The following SBF2 variants were observed in gnomAD, a reference collection of about 807,000 sequenced individuals.
SBF2 encodes the protein SET binding factor 2.
Under a neutral mutation model 225.2 loss-of-function variants are expected in SBF2, and 112 were observed. That is an observed-to-expected ratio of 0.50 (90% CI 0.43 to 0.58). The LOEUF is 0.58. Ranked by LOEUF, SBF2 falls within the 20% of genes least tolerant of loss-of-function variation. The pLI is 0.00. For synonymous variants in SBF2, 763 were observed against 773.3 expected, an observed-to-expected ratio of 0.99 and a Z score of 0.22; for missense variants, 1,996 against 2,206.2, an observed-to-expected ratio of 0.90 and a Z score of 1.91.
chr11:10,105,240 G>A (rs1359848855), intron 2 of SBF2, among the ~76,000 whole-genome samples: 1 of 152,152 alleles, frequency 6.6e-6, no homozygotes, highest in Non-Finnish European at 1.5e-5. Context: ...AATCTGACCT[G>A]CAAAAGCCAG....
chr11:10,239,768 T>A (rs1959183160), intron 1 of SBF2, among the ~76,000 whole-genome samples: 1 of 152,198 alleles, frequency 6.6e-6, no homozygotes, highest in African/African-American at 2.4e-5. Context: ...TATATAAACC[T>A]AATGGTAAAT....
chr11:10,285,695 T>A (rs1451019215), intron 1 of SBF2, among the ~76,000 whole-genome samples: 1 of 152,334 alleles, frequency 6.6e-6, no homozygotes, highest in African/African-American at 2.4e-5. Context: ...TAACCAGCAC[T>A]CTCAAGCTGC....
intron 1 of SBF2, among the ~76,000 whole-genome samples, chr11:10,268,539 G>C (rs1962202543): frequency 6.6e-6 from 1 of 152,100 alleles, no homozygotes; most frequent in Non-Finnish European, 1.5e-5. Flanking sequence ...GCCCTTTCCA[G>C]AAACAACACA....
At chr11:10,094,492 CA>C (rs201364028) in intron 2 of SBF2, among the ~76,000 whole-genome samples, 7 of 139,454 alleles carry the variant, frequency 5.0e-5, no homozygotes, top group Non-Finnish European at 7.8e-5. Flanking sequence ...TACATACAGT[CA>C]AAAAAATTAT....
intron 17 of SBF2, among the ~76,000 whole-genome samples, chr11:9,876,523 T>TCTCTCTCC (rs1327489185): frequency 6.6e-6 from 1 of 152,156 alleles, no homozygotes; most frequent in Admixed American, 6.5e-5. Context: ...GCTCTTGCTC[T>TCTCTCTCC]CTCTCTCCCT....
chr11:9,983,275 G>A (rs961221841), intron 13 of SBF2, among the ~76,000 whole-genome samples: 1 of 152,170 alleles, frequency 6.6e-6, no homozygotes, highest in Non-Finnish European at 1.5e-5. Flanking sequence ...TTCTGTTTGC[G>A]TGGGAGCTGG....
rs149575214 is a variant in SBF2 at position 9,799,715 on chromosome 11, G to A, written c.4444-3758C>T. 3.3e-3 allele frequency among the ~76,000 whole-genome samples: 497 copies of A among 152,210 alleles called. 4 individuals carry two copies. Among genetic ancestry groups the A allele is most frequent in the African/African-American group, 0.011 (476 of 41,536 alleles). On this transcript the variant is annotated intron_variant, in intron 32 of 39. Transcript: ENST00000256190. ...AATGATGAGATGGCTGAACTCTTAC[G>A]GTGCTTAGATTTCTAGGAAGCAAGA... is the stretch of plus-strand genomic sequence containing the variant.
chr11:9,888,024 A>G (rs964644749), intron 17 of SBF2, among the ~76,000 whole-genome samples: 3 of 152,212 alleles, frequency 2.0e-5, no homozygotes, highest in Admixed American at 1.3e-4. Flanking sequence ...TCTCAATACT[A>G]TGAAAGTCGG....
intron 2 of SBF2, among the ~76,000 whole-genome samples, chr11:10,123,671 A>G (rs1268742268): frequency 2.6e-5 from 4 of 152,058 alleles, no homozygotes; most frequent in African/African-American, 9.7e-5. Context: ...TCTTGACTAT[A>G]AAGTCTTCCT....
At chr11:10,048,782 C>T (rs894710385) in intron 2 of SBF2, among the ~76,000 whole-genome samples, 2 of 152,056 alleles carry the variant, frequency 1.3e-5, no homozygotes, top group Non-Finnish European at 2.9e-5. Flanking sequence ...TATTTGGAAG[C>T]TGTATATAAC....
At chr11:10,267,431 A>T (rs959724821) in intron 1 of SBF2, among the ~76,000 whole-genome samples, 4 of 152,182 alleles carry the variant, frequency 2.6e-5, no homozygotes, top group Non-Finnish European at 5.9e-5. Flanking sequence ...CTGTGAAAAC[A>T]GAGGAAAAAA....
intron 2 of SBF2, among the ~76,000 whole-genome samples, chr11:10,078,450 T>TA (rs1464851124): frequency 6.6e-6 from 1 of 152,010 alleles, no homozygotes; most frequent in Non-Finnish European, 1.5e-5. Context: ...TATGCAGCCA[T>TA]AAAAAAGGAT....
chr11:10,069,495 T>G (rs1281605404), intron 2 of SBF2, among the ~76,000 whole-genome samples: 3 of 152,314 alleles, frequency 2.0e-5, no homozygotes, highest in African/African-American at 4.8e-5. Context: ...GAACTCATCC[T>G]TTTTTATGGC....
intron 13 of SBF2, among the ~76,000 whole-genome samples, chr11:9,988,507 T>A (rs1362866676): frequency 3.9e-5 from 6 of 152,010 alleles, no homozygotes; most frequent in Non-Finnish European, 5.9e-5. Context: ...TCTATATACA[T>A]CTGACAAAAG....
At chr11:9,835,330 A>C (rs993218928) in intron 26 of SBF2, among the ~76,000 whole-genome samples, 1 of 151,982 alleles carries the variant, frequency 6.6e-6, no homozygotes. Context: ...AAAGATTACC[A>C]CTATCCTGCC....
intron 2 of SBF2, among the ~76,000 whole-genome samples, chr11:10,174,106 C>A (rs904074214): frequency 2.6e-5 from 4 of 152,002 alleles, no homozygotes; most frequent in Non-Finnish European, 5.9e-5. Context: ...CAGAGCGCCT[C>A]TCCTCCTCCA....
chr11:10,040,393 A>G (rs1161414381), intron 3 of SBF2, among the ~76,000 whole-genome samples: 1 of 152,014 alleles, frequency 6.6e-6, no homozygotes, highest in East Asian at 1.9e-4. Context: ...GATACTGGAA[A>G]ACAGAAAATA....
intron 16 of SBF2, among the ~76,000 whole-genome samples, chr11:9,932,987 A>C (rs12806343): frequency 8.0e-6 from 1 of 124,772 alleles, no homozygotes; most frequent in Non-Finnish European, 1.7e-5. Flanking sequence ...AAAAAAAAAA[A>C]CAGGTGTTGC....
intron 16 of SBF2, among the ~76,000 whole-genome samples, chr11:9,911,679 A>G (rs745546782): frequency 2.6e-5 from 4 of 152,204 alleles, no homozygotes; most frequent in African/African-American, 9.7e-5. Flanking sequence ...TGACTCACCC[A>G]GAACAACTTT....
Sources: allele counts gnomAD v4.1 joint callset (sites outside exome capture counted in the v4.1 genomes callset), GRCh38; gene constraint gnomAD v4.1.1; transcripts MANE v1.5; gene names NCBI Gene and HGNC (gene_info 2026-07-23, HGNC 2026-07-21).